TTLL9: variants seen among roughly 807,000 people sequenced by gnomAD.
TTLL9 encodes the protein probable tubulin polyglutamylase TTLL9.
Under a neutral mutation model 65.6 loss-of-function variants are expected in TTLL9, and 47 were observed. The observed-to-expected ratio is 0.72, with a 90% CI of 0.57 to 0.91. The LOEUF (loss-of-function observed/expected upper bound fraction) is 0.91. Among genes scored for constraint, TTLL9 ranks in the 40% least tolerant of loss-of-function variants. The pLI is 0.00. For missense variants in TTLL9, 537 were observed against 568.8 expected, an observed-to-expected ratio of 0.94 and a Z score of 0.57; for synonymous variants, 179 against 204.8, an observed-to-expected ratio of 0.87 and a Z score of 1.07.
chr20:31,910,971 C>T (rs936531357), intron 6 of TTLL9, among the ~76,000 whole-genome samples: 4 of 152,026 alleles, frequency 2.6e-5, no homozygotes, highest in Non-Finnish European at 5.9e-5. Flanking sequence ...GTCAGGAGTT[C>T]GAGACCAGCC....
intron 10 of TTLL9, among the ~76,000 whole-genome samples, chr20:31,926,860 C>G (rs1215300368): frequency 6.6e-6 from 1 of 152,066 alleles, no homozygotes; most frequent in Non-Finnish European, 1.5e-5. Flanking sequence ...AATTCCAGCA[C>G]TTTGGAGGCT....
chr20:31,918,991 C>T (rs893405797), intron 6 of TTLL9, among the ~76,000 whole-genome samples: 12 of 150,924 alleles, frequency 8.0e-5, no homozygotes, highest in East Asian at 1.9e-4. Flanking sequence ...CAGAGAGCCT[C>T]GGGTGGGCCA....
Position 31,890,003 on chromosome 20 carries a change from T to C in TTLL9, c.113+2764T>C, listed in dbSNP as rs1260238742. Among the ~76,000 whole-genome samples the C allele has an allele frequency of 2.3e-3, 325 of 140,064 alleles. 18 individuals carry two copies. Among genetic ancestry groups the C allele is most frequent in the African/African-American group, 9.0e-3 (306 of 34,184 alleles). 91.9% of individuals were successfully genotyped at this position (140,064 alleles called of 152,430 possible). A position where few individuals can be genotyped will look rare whatever the true frequency, so the allele number is the denominator to read the frequency against. ...CTTTCTTTCTTTCTTTCTTTCTTTCTTTCTTTCTTTCTTTCTTTCTTTCTT... is the reference window on the plus strand; with the variant it reads ...CTTTCTTTCTTTCTTTCTTTCTTTCCTTCTTTCTTTCTTTCTTTCTTTCTT... On this transcript the variant is annotated intron_variant, in intron 3 of 14. Transcript: ENST00000535842.
At chr20:31,939,554 C>A (rs1218882303) in intron 14 of TTLL9, 2 of 253,860 alleles carry the variant, frequency 7.9e-6, no homozygotes, top group Non-Finnish European at 7.5e-6. Flanking sequence ...CTTTAACAAT[C>A]TGGTGTATTT....
rs557638557 is a variant in TTLL9 at position 31,933,331 on chromosome 20, C to T, written c.749-469C>T. On this transcript the variant is annotated intron_variant, in intron 10 of 14. Transcript: ENST00000535842. Reference sequence around the variant, plus strand: ...CTACAAAGTGGCCGCCCAGCCTGGACCCCTCTAATGACAGACAGCCTACTG... The same window carrying T: ...CTACAAAGTGGCCGCCCAGCCTGGATCCCTCTAATGACAGACAGCCTACTG... Among the ~76,000 whole-genome samples the T allele has an allele frequency of 4.1e-3, 625 of 152,094 alleles. 1 individual carries two copies. The highest frequency in any genetic ancestry group is 6.2e-3 in the Non-Finnish European group (420 of 67,986).
chr20:31,922,905 TA>T (rs1457348200), intron 7 of TTLL9, 57 bp from the exon 8 acceptor site: 6 of 1,400,988 alleles, frequency 4.3e-6, no homozygotes, highest in Admixed American at 1.7e-5. Context: ...ACAGAATACC[TA>T]GTACACAGGA....
chr20:31,930,063 G>A (rs1219763505), intron 10 of TTLL9, among the ~76,000 whole-genome samples: 1 of 152,144 alleles, frequency 6.6e-6, no homozygotes, highest in African/African-American at 2.4e-5. Context: ...GGGAGGTGGA[G>A]GTTGCAGTGA....
At chr20:31,925,983 C>T in intron 9 of TTLL9, 66 bp from the exon 10 acceptor site, 1 of 1,601,738 alleles carries the variant, frequency 6.2e-7, no homozygotes, top group Admixed American at 1.7e-5. Context: ...CCTGGCTAAC[C>T]ACCCCCGACA....
intron 10 of TTLL9, among the ~76,000 whole-genome samples, chr20:31,930,601 A>G (rs2063992563): frequency 6.6e-6 from 1 of 152,160 alleles, no homozygotes; most frequent in African/African-American, 2.4e-5. Flanking sequence ...TGCATTTGCT[A>G]CACATCTTTT....
chr20:31,941,984 A>C (rs1480579667), intron 14 of TTLL9, among the ~76,000 whole-genome samples: 1 of 152,138 alleles, frequency 6.6e-6, no homozygotes, highest in African/African-American at 2.4e-5. Context: ...AGAAGTTTGC[A>C]CTGGACAAGA....
chr20:31,886,435 T>A (rs1247961189), intron 2 of TTLL9, among the ~76,000 whole-genome samples: 1 of 152,194 alleles, frequency 6.6e-6, no homozygotes, highest in Non-Finnish European at 1.5e-5. Context: ...AAAGGTCCAA[T>A]TGGGGTGAAA....
chr20:31,871,883 GATA>G (rs1477470767), intron 2 of TTLL9, among the ~76,000 whole-genome samples: 10 of 152,028 alleles, frequency 6.6e-5, no homozygotes, highest in African/African-American at 2.4e-4. Context: ...GTTAATTGTT[GATA>G]ATATTTTTAT....
chr20:31,935,127 C>T (rs901670758), intron 12 of TTLL9, among the ~76,000 whole-genome samples: 3 of 152,140 alleles, frequency 2.0e-5, no homozygotes, highest in Admixed American at 6.5e-5. Context: ...CACTGAGGAC[C>T]GAGCCTGGCA....
At position 31,909,846 on chromosome 20, in the gene TTLL9, T is replaced by C; in HGVS notation, c.428T>C (p.Phe143Ser). The C allele has an allele frequency of 6.2e-7, 1 of 1,614,050 alleles. No homozygotes were observed. Among genetic ancestry groups the C allele is most frequent in the South Asian group, 1.1e-5 (1 of 91,076 alleles). ...AAKCDFFPKTFEMPCEYHLFV... is the reference protein window; with the variant it reads ...AAKCDFFPKTSEMPCEYHLFV... ...AAGTGTGACTTCTTCCCCAAAACCT[T>C]TGAGATGCCTTGCGAGTACCACCTG... The change falls in exon 6 of 15, where the codon TTT becomes TCT. Residue 143 changes from phenylalanine (F) to serine (S), a missense_variant. By Grantham distance (155) the Phe-to-Ser change is radical (BLOSUM62 -2). Coordinates refer to ENST00000535842, the MANE Select transcript of TTLL9 (RefSeq NM_001008409.5).
intron 14 of TTLL9, chr20:31,940,343 CTT>C (rs1600634887): frequency 2.0e-5 from 3 of 152,198 alleles, no homozygotes; most frequent in African/African-American, 7.2e-5. Context: ...TGTCCATACT[CTT>C]TATCCATTTT....
At chr20:31,902,578 C>T (rs1373697833) in intron 4 of TTLL9, among the ~76,000 whole-genome samples, 1 of 152,042 alleles carries the variant, frequency 6.6e-6, no homozygotes, top group Non-Finnish European at 1.5e-5. Context: ...ATTTATTTAT[C>T]TGCTCATTAA....
intron 6 of TTLL9, among the ~76,000 whole-genome samples, 162 bp downstream of exon 6, chr20:31,910,084 C>T (rs1331546810): frequency 4.6e-5 from 7 of 152,188 alleles, no homozygotes; most frequent in African/African-American, 1.7e-4. Flanking sequence ...GACCCAGCAG[C>T]TATGACTGCC....
intron 10 of TTLL9, among the ~76,000 whole-genome samples, chr20:31,933,599 A>C: frequency 6.6e-6 from 1 of 152,142 alleles, no homozygotes; most frequent in East Asian, 1.9e-4. Flanking sequence ...AGGGAAGTGA[A>C]ATGGCTTTTC....
chr20:31,915,309 G>A (rs2063717426), intron 6 of TTLL9, among the ~76,000 whole-genome samples: 1 of 152,130 alleles, frequency 6.6e-6, no homozygotes. Flanking sequence ...GTGAAACCCT[G>A]TCTGTACTAA....
Sources: gnomAD v4.1 joint callset for allele counts (sites outside exome capture counted in the v4.1 genomes callset) on GRCh38, gnomAD v4.1.1 for gene constraint, MANE v1.5 for transcripts, NCBI Gene and HGNC (gene_info 2026-07-23, HGNC 2026-07-21) for gene names.